The following CNTN3 variants were observed in gnomAD, a reference collection of about 807,000 sequenced individuals.
CNTN3 encodes contactin-3.
Under a neutral mutation model 119.1 loss-of-function variants are expected in CNTN3, and 60 were observed. The ratio of observed to expected loss-of-function variants is 0.50; its 90% CI spans 0.41 to 0.62. The LOEUF is 0.62. Among genes scored for constraint, CNTN3 ranks in the 20% least tolerant of loss-of-function variants. CNTN3 has a pLI of 0.00. For synonymous variants in CNTN3, 450 were observed against 438.7 expected, an observed-to-expected ratio of 1.03 and a Z score of -0.32; for missense variants, 1,101 against 1,242.4, an observed-to-expected ratio of 0.89 and a Z score of 1.71.
rs147761895 is a variant in CNTN3, at chr3:74,540,596, C to A, written c.-80-19404G>T. ...AACAGGGTAAGTACTACTGGTATAC[C>A]AATTGTCAGATGAGGAATTTGAATT... On this transcript the variant is annotated intron_variant, in intron 1 of 22. Coordinates refer to ENST00000263665, the MANE Select transcript of CNTN3 (RefSeq NM_020872.3). 2.0e-5 allele frequency among the ~76,000 whole-genome samples: 3 copies of A among 152,156 alleles called. No homozygotes were observed. The East Asian group carries it at 5.8e-4, about 29-fold the overall frequency.
At chr3:74,415,353 C>T (rs1214442319) in intron 5 of CNTN3, among the ~76,000 whole-genome samples, 1 of 152,110 alleles carries the variant, frequency 6.6e-6, no homozygotes, top group East Asian at 1.9e-4. Flanking sequence ...ATGAATGAAT[C>T]CAGTTTCTCG....
intron 5 of CNTN3, 142 bp downstream of exon 5, chr3:74,424,703 T>C (rs1701668325): frequency 5.5e-6 from 4 of 724,590 alleles, no homozygotes; most frequent in Non-Finnish European, 9.7e-6. Context: ...GTGTTCCTCA[T>C]ATTCCAACTC....
chr3:74,432,717 C>T (rs547159649), intron 4 of CNTN3, among the ~76,000 whole-genome samples: 3 of 152,310 alleles, frequency 2.0e-5, no homozygotes, highest in East Asian at 3.9e-4. Context: ...TAGTTATCTT[C>T]GGTATCAGCA....
intron 5 of CNTN3, among the ~76,000 whole-genome samples, chr3:74,385,685 G>A (rs1575677183): frequency 6.6e-6 from 1 of 152,330 alleles, no homozygotes; most frequent in Non-Finnish European, 1.5e-5. Context: ...TGTGGGATGT[G>A]AATTCTTTGG....
intron 5 of CNTN3, among the ~76,000 whole-genome samples, chr3:74,408,910 C>G (rs537081959): frequency 6.6e-6 from 1 of 152,176 alleles, no homozygotes; most frequent in Non-Finnish European, 1.5e-5. Flanking sequence ...AACTAACATA[C>G]AGTAAAATTG....
chr3:74,519,639 G>C (rs1158565182), intron 2 of CNTN3, among the ~76,000 whole-genome samples: 2 of 151,494 alleles, frequency 1.3e-5, no homozygotes, highest in Non-Finnish European at 3.0e-5. Flanking sequence ...TGTCACTTTT[G>C]CTCCTTTTCC....
chr3:74,292,049 C>A (rs1162168011), intron 19 of CNTN3, among the ~76,000 whole-genome samples: 1 of 152,080 alleles, frequency 6.6e-6, no homozygotes, highest in East Asian at 1.9e-4. Flanking sequence ...CTCCAAGAAA[C>A]ACGGAACAAT....
chr3:74,330,865 G>GA (rs1268387263), intron 13 of CNTN3, among the ~76,000 whole-genome samples: 1 of 151,724 alleles, frequency 6.6e-6, no homozygotes, highest in African/African-American at 2.4e-5. Flanking sequence ...ATTAAAAACA[G>GA]AAAAAAAGCT....
intron 1 of CNTN3, among the ~76,000 whole-genome samples, chr3:74,602,634 G>A (rs1392414981): frequency 6.6e-6 from 1 of 152,062 alleles, no homozygotes; most frequent in Non-Finnish European, 1.5e-5. Flanking sequence ...CATAGTTCTT[G>A]TTAAGGGTGT....
At chr3:74,520,910 A>C (rs1053879303) in intron 2 of CNTN3, 148 bp downstream of exon 2, 52 of 477,274 alleles carry the variant, frequency 1.1e-4, no homozygotes, top group African/African-American at 9.1e-4. Context: ...TTATCAGATT[A>C]GAGAATTTAA....
Position 74,410,808 on chromosome 3 carries a change from TG to T in CNTN3, c.454+14036del, listed in dbSNP as rs559415886. Among the ~76,000 whole-genome samples the T allele has an allele frequency of 2.9e-3, 448 of 152,222 alleles. 1 individual carries two copies. Among genetic ancestry groups the T allele is most frequent in the Middle Eastern group, 6.8e-3 (2 of 294 alleles). ...CCTGTTATTACTAGAACAGATGCAA[TG>T]TGATCCATACATAATTAACTGAATT... is the stretch of plus-strand genomic sequence containing the variant. On this transcript the variant is annotated intron_variant, in intron 5 of 22. Coordinates refer to ENST00000263665, the MANE Select transcript of CNTN3 (RefSeq NM_020872.3).
chr3:74,418,251 C>T (rs1055211184), intron 5 of CNTN3, among the ~76,000 whole-genome samples: 6 of 152,108 alleles, frequency 3.9e-5, no homozygotes, highest in Middle Eastern at 3.4e-3. Flanking sequence ...TGGTTTCAAA[C>T]TCCTGGCCTC....
chr3:74,336,765 G>A, intron 11 of CNTN3, 107 bp from the exon 12 acceptor site: 1 of 870,766 alleles, frequency 1.1e-6, no homozygotes, highest in East Asian at 2.9e-5. Context: ...TATTTTTAAG[G>A]CATGATCAAC....
chr3:74,394,944 T>C (rs949774109), intron 5 of CNTN3, among the ~76,000 whole-genome samples: 5 of 152,298 alleles, frequency 3.3e-5, no homozygotes, highest in South Asian at 2.1e-4. Context: ...CATTAATATA[T>C]GGAAAATGTT....
rs183590127 is a variant in CNTN3, at chr3:74,605,585, C to T, written c.-81+8806G>A. On this transcript the variant is annotated intron_variant, in intron 1 of 22. Transcript: ENST00000263665. ...GTTTTGCCCGGAGCCATTCGAGTAACATAAGTCATCTGATAGCTTAATTGG... is the reference window on the plus strand; with the variant it reads ...GTTTTGCCCGGAGCCATTCGAGTAATATAAGTCATCTGATAGCTTAATTGG... Among the ~76,000 whole-genome samples the T allele has an allele frequency of 1.7e-3, 258 of 152,222 alleles. 1 individual carries two copies. The highest frequency in any genetic ancestry group is 3.4e-3 in the Middle Eastern group (1 of 292).
intron 4 of CNTN3, among the ~76,000 whole-genome samples, chr3:74,430,106 G>A (rs937823015): frequency 1.3e-5 from 2 of 152,142 alleles, no homozygotes; most frequent in African/African-American, 4.8e-5. Context: ...CGAACCACAC[G>A]TAACTACCAT....
At chr3:74,417,846 C>T (rs1701549580) in intron 5 of CNTN3, among the ~76,000 whole-genome samples, 1 of 152,166 alleles carries the variant, frequency 6.6e-6, no homozygotes, top group Admixed American at 6.5e-5. Flanking sequence ...TGTCAATAGT[C>T]ACATCAGTAT....
At chr3:74,597,299 T>A (rs1013188939) in intron 1 of CNTN3, among the ~76,000 whole-genome samples, 1 of 152,068 alleles carries the variant, frequency 6.6e-6, no homozygotes, top group Non-Finnish European at 1.5e-5. Context: ...CCTTTTCACA[T>A]GATTTAATGG....
intron 1 of CNTN3, among the ~76,000 whole-genome samples, chr3:74,538,539 C>T (rs745319494): frequency 6.6e-6 from 1 of 152,072 alleles, no homozygotes; most frequent in African/African-American, 2.4e-5. Context: ...TGGATTCCAA[C>T]GTATCCTACT....
Sources: allele counts gnomAD v4.1 joint callset (sites outside exome capture counted in the v4.1 genomes callset), GRCh38; gene constraint gnomAD v4.1.1; transcripts MANE v1.5; gene names NCBI Gene and HGNC (gene_info 2026-07-23, HGNC 2026-07-21).